IKZF2: variants seen among roughly 807,000 people sequenced by gnomAD.
The protein encoded by IKZF2 is IKAROS family zinc finger 2.
A neutral mutation model predicts 49.2 loss-of-function variants in IKZF2; 15 were observed. The observed-to-expected ratio is 0.30, with a 90% CI of 0.20 to 0.47. IKZF2 has a LOEUF of 0.47. Ranked by LOEUF, IKZF2 falls within the 20% of genes least tolerant of loss-of-function variation. The pLI is 1.00. For synonymous variants in IKZF2, 227 were observed against 221.4 expected, an observed-to-expected ratio of 1.03 and a Z score of -0.23; for missense variants, 567 against 664.6, an observed-to-expected ratio of 0.85 and a Z score of 1.61.
At chr2:213,064,191 G>A (rs986535691) in intron 4 of IKZF2, among the ~76,000 whole-genome samples, 1 of 151,614 alleles carries the variant, frequency 6.6e-6, no homozygotes, top group Non-Finnish European at 1.5e-5. Flanking sequence ...GTAGGTTAAG[G>A]CAGCAATTTG....
chr2:213,022,184 A>G (rs571824316), intron 6 of IKZF2, 54 bp from the exon 7 acceptor site: 2 of 1,459,720 alleles, frequency 1.4e-6, no homozygotes, highest in South Asian at 3.0e-5. Flanking sequence ...CATTCAAAGC[A>G]AAATCAATAG....
chr2:213,039,665 T>C (rs1168386734), intron 6 of IKZF2, among the ~76,000 whole-genome samples: 1 of 152,110 alleles, frequency 6.6e-6, no homozygotes, highest in African/African-American at 2.4e-5. Context: ...AAATCTCTCT[T>C]ACTCCAAAGT....
intron 4 of IKZF2, among the ~76,000 whole-genome samples, chr2:213,068,224 T>A (rs1180349679): frequency 6.6e-6 from 1 of 152,114 alleles, no homozygotes; most frequent in African/African-American, 2.4e-5. Flanking sequence ...GAGTTCCTTA[T>A]CCATTTAAAA....
chr2:213,074,699 A>C (rs1378987231), intron 4 of IKZF2, among the ~76,000 whole-genome samples: 1 of 152,190 alleles, frequency 6.6e-6, no homozygotes, highest in Non-Finnish European at 1.5e-5. Flanking sequence ...AATTTCACTA[A>C]GAATCTAGAT....
chr2:213,030,005 G>A (rs1000702839), intron 6 of IKZF2, among the ~76,000 whole-genome samples: 1 of 152,010 alleles, frequency 6.6e-6, no homozygotes, highest in Non-Finnish European at 1.5e-5. Context: ...TCTATTTCAT[G>A]CCTTCACCTA....
In IKZF2 at chr2:213,008,108, G is replaced by T. The variant is rs762880514; in HGVS notation, c.857-24C>A. The T allele has an allele frequency of 2.2e-5, 29 of 1,338,232 alleles. No homozygotes were observed. In the South Asian group the frequency reaches 4.7e-4, roughly 22 times the overall value. The allele number at this position is 1,338,232 out of a possible 1,614,324, so 82.9% of individuals were successfully genotyped here. Reference sequence around the variant, plus strand: ...CCCTGGAAGGGAGTGGGAGGTGAAAGAAGTAAAAAAAAAAAAAAAATACAA... The same window carrying T: ...CCCTGGAAGGGAGTGGGAGGTGAAATAAGTAAAAAAAAAAAAAAAATACAA... On this transcript the variant is annotated intron_variant, in intron 8 of 8. Coordinates refer to ENST00000434687, the MANE Select transcript of IKZF2 (RefSeq NM_001387220.1).
chr2:213,020,296 G>T lies in IKZF2; in HGVS notation c.712+1697C>A, dbSNP rs557969845. On this transcript the variant is annotated intron_variant, in intron 7 of 8. Transcript: ENST00000434687. The stretch of plus-strand genomic sequence containing the variant: ...TGCTGGTAAATAACAAATTTATAGG[G>T]AATAGCACATTTACTGTTATTCAGT... Among the ~76,000 whole-genome samples, 15 of 152,100 alleles carry T rather than the reference G, an allele frequency of 9.9e-5. No homozygotes were observed. In the South Asian group the frequency reaches 1.0e-3, roughly 11 times the overall value.
chr2:213,061,247 G>A (rs1701650224), intron 4 of IKZF2, among the ~76,000 whole-genome samples: 1 of 151,420 alleles, frequency 6.6e-6, no homozygotes, highest in African/African-American at 2.4e-5. Context: ...ATTGCTTCCA[G>A]ATACATAATA....
At chr2:213,023,135 T>C (rs1697411256) in intron 6 of IKZF2, among the ~76,000 whole-genome samples, 1 of 152,130 alleles carries the variant, frequency 6.6e-6, no homozygotes, top group Admixed American at 6.6e-5. Flanking sequence ...CCCGTGTCTC[T>C]ATTTGACTCC....
At chr2:213,028,184 T>A (rs1009232652) in intron 6 of IKZF2, among the ~76,000 whole-genome samples, 2 of 152,116 alleles carry the variant, frequency 1.3e-5, no homozygotes, top group African/African-American at 4.8e-5. Context: ...CTCAGTACCT[T>A]TGTTGAAAAT....
rs1698598276 is a variant in IKZF2, at chr2:213,032,765, T to C, written c.575-10635A>G. ...GTAAAGATAATCTGAGCCTTCAGACTCATCATCTTTCCACTGGTGGAGGAG... is the reference window on the plus strand; with the variant it reads ...GTAAAGATAATCTGAGCCTTCAGACCCATCATCTTTCCACTGGTGGAGGAG... On this transcript the variant is annotated intron_variant, in intron 6 of 8. Transcript: ENST00000434687. Among the ~76,000 whole-genome samples the C allele has an allele frequency of 1.3e-5, 2 of 152,186 alleles. 1 individual carries two copies. Among genetic ancestry groups the C allele is most frequent in the South Asian group, 4.1e-4 (2 of 4,826 alleles).
At chr2:213,029,030 A>C (rs73989365) in intron 6 of IKZF2, among the ~76,000 whole-genome samples, 4,270 of 152,134 alleles carry the variant, frequency 0.028, 100 homozygotes, top group African/African-American at 0.07. Context: ...CCACTTGGTC[A>C]TGATATATTA....
At chr2:213,021,825 G>T (rs1178577237) in intron 7 of IKZF2, 168 bp downstream of exon 7, 1 of 682,480 alleles carries the variant, frequency 1.5e-6, no homozygotes, top group South Asian at 1.9e-5. Context: ...AAATAATTTG[G>T]GAGTATTGCA....
chr2:213,112,690 C>A (rs1285178637), intron 4 of IKZF2, among the ~76,000 whole-genome samples: 2 of 152,086 alleles, frequency 1.3e-5, no homozygotes, highest in African/African-American at 4.8e-5. Flanking sequence ...GGTTTCTATA[C>A]ATTACACCGA....
intron 4 of IKZF2, among the ~76,000 whole-genome samples, chr2:213,085,139 C>T (rs1203350508): frequency 1.3e-5 from 2 of 152,176 alleles, no homozygotes; most frequent in African/African-American, 4.8e-5. Flanking sequence ...CCCAAGTCAT[C>T]TTTCTCTTTT....
At chr2:213,045,401 A>G (rs1283664094) in intron 6 of IKZF2, among the ~76,000 whole-genome samples, 1 of 152,234 alleles carries the variant, frequency 6.6e-6, no homozygotes, top group Admixed American at 6.5e-5. Flanking sequence ...TAACAAAGAT[A>G]ATCAGAAGCA....
chr2:213,136,875 A>C (rs1002993622), intron 4 of IKZF2, among the ~76,000 whole-genome samples: 1 of 152,168 alleles, frequency 6.6e-6, no homozygotes, highest in African/African-American at 2.4e-5. Flanking sequence ...TATGCTTTTA[A>C]AAACATAAAT....
chr2:213,007,442 T>G lies in IKZF2; in HGVS notation c.1499A>C (p.Glu500Ala). The change falls in exon 9 of 9, where the codon GAA (glutamate) becomes GCA (alanine). Residue 500 changes from glutamate (E) to alanine (A), a missense_variant. Physicochemically the swap from Glu to Ala is moderately radical, Grantham distance 107. Transcript: ENST00000434687. ...MGCHGYRDPL[E>A]CNICGYRSQD... ...GCTTCTGTAGCCACAGATGTTGCAT[T>G]CCAGTGGGTCCCGGTAGCCATGGCA... 2 of 1,613,554 alleles carry G rather than the reference T, an allele frequency of 1.2e-6. No homozygotes were observed. The highest frequency in any genetic ancestry group is 1.7e-6 in the Non-Finnish European group (2 of 1,179,636).
chr2:213,109,989 A>G (rs1477674959), intron 4 of IKZF2, among the ~76,000 whole-genome samples: 2 of 152,070 alleles, frequency 1.3e-5, no homozygotes, highest in African/African-American at 2.4e-5. Context: ...CACAATAAAT[A>G]AAACCATCAA....
Sources: gnomAD v4.1 joint callset for allele counts (sites outside exome capture counted in the v4.1 genomes callset) on GRCh38, gnomAD v4.1.1 for gene constraint, MANE v1.5 for transcripts, NCBI Gene and HGNC (gene_info 2026-07-23, HGNC 2026-07-21) for gene names.